Variants in NINL observed in about 807,000 individuals in gnomAD.
The protein encoded by NINL is ninein like.
In NINL, 153 loss-of-function variants were observed where a neutral mutation model predicts 160.3. That is an observed-to-expected ratio of 0.95 (90% CI 0.84 to 1.09). NINL has a LOEUF of 1.09. Among genes scored for constraint, NINL ranks in the 50% least tolerant of loss-of-function variants. NINL has a pLI of 0.00. For missense variants in NINL, 1,829 were observed against 1,764.0 expected (o/e 1.04, Z -0.66); for synonymous variants, 800 against 734.8 (o/e 1.09, Z -1.43).
At chr20:25,564,505 A>G (rs2064978539) in intron 1 of NINL, among the ~76,000 whole-genome samples, 2 of 152,106 alleles carry the variant, frequency 1.3e-5, no homozygotes, top group African/African-American at 2.4e-5. Context: ...TTTAGTAGAG[A>G]CAGAGTTTCA....
At chr20:25,572,341 G>A (rs887826941) in intron 1 of NINL, among the ~76,000 whole-genome samples, 1 of 152,012 alleles carries the variant, frequency 6.6e-6, no homozygotes, top group Non-Finnish European at 1.5e-5. Flanking sequence ...GGAGTGCAGT[G>A]CTGGGGCCCA....
At chr20:25,521,329 A>G (rs1216770979) in intron 2 of NINL, among the ~76,000 whole-genome samples, 1 of 152,156 alleles carries the variant, frequency 6.6e-6, no homozygotes, top group African/African-American at 2.4e-5. Context: ...GTTCTTTTAG[A>G]TATTTTTTAA....
intron 14 of NINL, among the ~76,000 whole-genome samples, chr20:25,480,627 T>C (rs2063367634): frequency 6.6e-6 from 1 of 152,312 alleles, no homozygotes; most frequent in Admixed American, 6.5e-5. Context: ...TGCCCGGTGG[T>C]GCAGAGCTTT....
In NINL at chr20:25,457,359, G is replaced by C. The variant is rs553725053; in HGVS notation, c.3843+1024C>G. 2.0e-5 allele frequency among the ~76,000 whole-genome samples: 3 copies of C among 152,202 alleles called. No individual in the cohort carries two copies. In the South Asian group the frequency reaches 6.2e-4, roughly 32 times the overall value. On this transcript the variant is annotated intron_variant, in intron 22 of 23. Transcript: ENST00000278886. ...CAAAACAAAACAAAAATATGTTCTGGCCCAAACCACACAGCTTTCCTTTCT... is the reference window on the plus strand; with the variant it reads ...CAAAACAAAACAAAAATATGTTCTGCCCCAAACCACACAGCTTTCCTTTCT...
intron 1 of NINL, among the ~76,000 whole-genome samples, chr20:25,563,390 G>A (rs1053995134): frequency 6.6e-6 from 1 of 152,156 alleles, no homozygotes; most frequent in Non-Finnish European, 1.5e-5. Context: ...AATCCCTGCA[G>A]TAACCACTAA....
At chr20:25,481,753 C>CCCTTCCT in intron 14 of NINL, 1 of 664,566 alleles carries the variant, frequency 1.5e-6, no homozygotes, top group Non-Finnish European at 2.5e-6. Flanking sequence ...CCTTCAGCGT[C>CCCTTCCT]CCTTCCTCCT....
chr20:25,508,497 C>T (rs2064004719), intron 5 of NINL, among the ~76,000 whole-genome samples: 1 of 152,378 alleles, frequency 6.6e-6, no homozygotes, highest in South Asian at 2.1e-4. Flanking sequence ...GGCACCCTGT[C>T]TGGAGTTGGG....
At chr20:25,479,695 A>G (rs892522872) in intron 15 of NINL, among the ~76,000 whole-genome samples, 1 of 152,174 alleles carries the variant, frequency 6.6e-6, no homozygotes, top group African/African-American at 2.4e-5. Flanking sequence ...CAAGTCATGG[A>G]CACTGTCCCT....
chr20:25,460,332 G>A (rs550106127), intron 21 of NINL, among the ~76,000 whole-genome samples: 39 of 152,302 alleles, frequency 2.6e-4, no homozygotes, highest in Admixed American at 1.3e-3. Context: ...TTGGGGGAGC[G>A]TCTTCCTCTA....
intron 9 of NINL, among the ~76,000 whole-genome samples, chr20:25,497,249 G>C (rs545152514): frequency 6.6e-6 from 1 of 152,380 alleles, no homozygotes; most frequent in East Asian, 1.9e-4. Context: ...TGAGCACACA[G>C]TGAGTCACCA....
At chr20:25,473,532 AC>A (rs1703955116) in intron 17 of NINL, among the ~76,000 whole-genome samples, 1 of 151,340 alleles carries the variant, frequency 6.6e-6, no homozygotes, top group Non-Finnish European at 1.5e-5. Flanking sequence ...ATAAAATAAA[AC>A]AAAGTGGCCA....
chr20:25,503,824 G>C, intron 7 of NINL, 128 bp downstream of exon 7: 1 of 1,119,070 alleles, frequency 8.9e-7, no homozygotes, highest in African/African-American at 1.5e-5. Context: ...ATGCGTGTGT[G>C]CATGGCCTGT....
chr20:25,529,515 T>G (rs919822208), intron 1 of NINL, among the ~76,000 whole-genome samples: 2 of 151,850 alleles, frequency 1.3e-5, no homozygotes, highest in African/African-American at 4.8e-5. Context: ...CAGACAGGAG[T>G]AGACAGAGGT....
intron 13 of NINL, 67 bp downstream of exon 13, chr20:25,489,177 G>A: frequency 7.0e-7 from 1 of 1,435,120 alleles, no homozygotes. Flanking sequence ...CGTTACTGTG[G>A]ACCACCTGCG....
At chr20:25,517,925 T>A (rs936370837) in intron 2 of NINL, 76 bp from the exon 3 acceptor site, 13 of 847,224 alleles carry the variant, frequency 1.5e-5, no homozygotes, top group Non-Finnish European at 2.2e-5. Context: ...TCTTTTGGAT[T>A]TTCTCTCAGA....
intron 21 of NINL, chr20:25,458,815 G>A: frequency 4.7e-6 from 2 of 421,642 alleles, no homozygotes; most frequent in South Asian, 4.4e-5. Flanking sequence ...GCTGCGTCCA[G>A]TGTTAGCTTC....
intron 1 of NINL, among the ~76,000 whole-genome samples, chr20:25,534,517 G>T (rs2064523782): frequency 1.3e-5 from 2 of 152,164 alleles, no homozygotes; most frequent in Non-Finnish European, 2.9e-5. Flanking sequence ...AGATAGCATG[G>T]CCTACCACAA....
At chr20:25,506,682 T>G (rs144579984) in intron 5 of NINL, among the ~76,000 whole-genome samples, 1 of 152,222 alleles carries the variant, frequency 6.6e-6, no homozygotes, top group African/African-American at 2.4e-5. Flanking sequence ...CAATGTCTCA[T>G]GTAATCTACT....
At position 25,476,758 on chromosome 20, in the gene NINL, C is replaced by T. The variant is rs772959435; in HGVS notation, c.2533G>A (p.Gly845Ser). 2 of 1,609,888 alleles carry T rather than the reference C, an allele frequency of 1.2e-6. No homozygotes were observed. The highest frequency in any genetic ancestry group is 1.7e-6 in the Non-Finnish European group (2 of 1,179,774). ...CAGCCCGGACGCAGTGGTAGGAGGC[C>T]ACGTGTGCCCTCCTGGCCACTTCCT... The part of the protein sequence containing the change: ...VAGSGQEGTR[G>S]LLPLRPGCGE... The change falls in exon 17 of 24, where the codon GGC becomes AGC. Residue 845 changes from glycine (G) to serine (S), a missense_variant. Transcript: ENST00000278886.
Sources: allele counts gnomAD v4.1 joint callset (sites outside exome capture counted in the v4.1 genomes callset), GRCh38; gene constraint gnomAD v4.1.1; transcripts MANE v1.5; gene names NCBI Gene and HGNC (gene_info 2026-07-23, HGNC 2026-07-21).